GRM7: variants seen among roughly 807,000 people sequenced by gnomAD.
The protein encoded by GRM7 is glutamate metabotropic receptor 7.
Under a neutral mutation model 84.5 loss-of-function variants are expected in GRM7, and 35 were observed. The observed-to-expected ratio is 0.41, with a 90% CI of 0.32 to 0.55. The LOEUF is 0.55. Among genes scored for constraint, GRM7 ranks in the 20% least tolerant of loss-of-function variants. The probability of loss-of-function intolerance (pLI) is 0.19; values close to 1 mark genes in which losing one functional copy is unlikely to be tolerated. For missense variants in GRM7, 1,003 were observed against 1,194.6 expected (o/e 0.84, Z 2.36); for synonymous variants, 487 against 455.1 (o/e 1.07, Z -0.89).
chr3:7,220,307 A>G (rs1168222380), intron 2 of GRM7, among the ~76,000 whole-genome samples: 4 of 152,200 alleles, frequency 2.6e-5, no homozygotes, highest in Non-Finnish European at 5.9e-5. Flanking sequence ...GTTAATATCC[A>G]TATGATAAGT....
chr3:7,409,816 G>A (rs1302145228), intron 4 of GRM7, among the ~76,000 whole-genome samples: 1 of 152,016 alleles, frequency 6.6e-6, no homozygotes, highest in Non-Finnish European at 1.5e-5. Flanking sequence ...TGGCCAGGAT[G>A]GTCTCGATCT....
At chr3:7,448,730 A>G (rs1203097635) in intron 5 of GRM7, among the ~76,000 whole-genome samples, 2 of 152,144 alleles carry the variant, frequency 1.3e-5, no homozygotes, top group Admixed American at 6.6e-5. Context: ...AGCCTTTAAT[A>G]TGTTAACATA....
chr3:7,088,116 A>G (rs1698526912), intron 1 of GRM7, among the ~76,000 whole-genome samples: 1 of 151,992 alleles, frequency 6.6e-6, no homozygotes, highest in Non-Finnish European at 1.5e-5. Context: ...GTATTTAGCA[A>G]TGAACCTGCG....
At chr3:7,488,671 T>TC (rs990290863) in intron 7 of GRM7, among the ~76,000 whole-genome samples, 1 of 152,162 alleles carries the variant, frequency 6.6e-6, no homozygotes, top group Non-Finnish European at 1.5e-5. Flanking sequence ...GACTTCCCAC[T>TC]CCCCAGAATC....
chr3:7,545,519 C>T (rs1310835476), intron 7 of GRM7, among the ~76,000 whole-genome samples: 1 of 152,172 alleles, frequency 6.6e-6, no homozygotes, highest in Non-Finnish European at 1.5e-5. Context: ...AGAAAGCAAC[C>T]TTGCACAATG....
intron 1 of GRM7, among the ~76,000 whole-genome samples, chr3:6,864,592 A>G (rs754356831): frequency 5.3e-5 from 8 of 152,228 alleles, no homozygotes; most frequent in Admixed American, 2.6e-4. Context: ...AAATGATTGA[A>G]TTTCTAGCTT....
Position 7,360,135 on chromosome 3 carries a change from C to G in GRM7, c.1033+53483C>G, listed in dbSNP as rs1346955065. The stretch of plus-strand genomic sequence containing the variant: ...CTCTTTCTCCCCCCCTTTTTTTTCC[C>G]TCTGTGTGTGTGTGTGTGTGTGTGT... On this transcript the variant is annotated intron_variant, in intron 4 of 9. Coordinates refer to ENST00000357716, the MANE Select transcript of GRM7 (RefSeq NM_000844.4). Among the ~76,000 whole-genome samples, 6 of 102,950 alleles carry G rather than the reference C, an allele frequency of 5.8e-5. 1 individual carries two copies. Among genetic ancestry groups the G allele is most frequent in the African/African-American group, 2.7e-4 (6 of 22,372 alleles). 67.5% of individuals were successfully genotyped at this position (102,950 alleles called of 152,430 possible). A position where few individuals can be genotyped will look rare whatever the true frequency, so the allele number is the denominator to read the frequency against.
chr3:7,054,739 C>G (rs1184442206), intron 1 of GRM7, among the ~76,000 whole-genome samples: 1 of 151,808 alleles, frequency 6.6e-6, no homozygotes, highest in African/African-American at 2.4e-5. Context: ...CTCTTTCTGT[C>G]TGTCTCTCTC....
At chr3:7,162,305 G>A (rs1356037173) in intron 2 of GRM7, among the ~76,000 whole-genome samples, 1 of 152,118 alleles carries the variant, frequency 6.6e-6, no homozygotes, top group Non-Finnish European at 1.5e-5. Flanking sequence ...ACCAACAAGA[G>A]TTTTTCAAAC....
chr3:7,206,407 T>A (rs958462630), intron 2 of GRM7, among the ~76,000 whole-genome samples: 5 of 152,188 alleles, frequency 3.3e-5, no homozygotes, highest in Non-Finnish European at 5.9e-5. Flanking sequence ...ATTGCACAAC[T>A]AAATGATGTC....
intron 1 of GRM7, among the ~76,000 whole-genome samples, chr3:7,011,456 C>G (rs1002009667): frequency 2.0e-5 from 3 of 152,100 alleles, no homozygotes; most frequent in South Asian, 2.1e-4. Flanking sequence ...TTTAAATGAG[C>G]ATTTTATGCC....
At chr3:6,893,747 T>C (rs1696061498) in intron 1 of GRM7, among the ~76,000 whole-genome samples, 1 of 152,204 alleles carries the variant, frequency 6.6e-6, no homozygotes, top group South Asian at 2.1e-4. Context: ...ACATTTTACA[T>C]TTGGTTATTA....
chr3:7,704,928 T>C (rs1701338732), intron 9 of GRM7, among the ~76,000 whole-genome samples: 1 of 152,180 alleles, frequency 6.6e-6, no homozygotes, highest in Non-Finnish European at 1.5e-5. Context: ...ATATCATTAA[T>C]TGTTCGCTTA....
intron 2 of GRM7, among the ~76,000 whole-genome samples, chr3:7,148,599 G>A (rs1402055808): frequency 2.6e-5 from 4 of 152,132 alleles, no homozygotes; most frequent in Admixed American, 2.0e-4. Context: ...ACAGGTCAAT[G>A]GTGACTTTCA....
intron 5 of GRM7, among the ~76,000 whole-genome samples, chr3:7,418,512 A>G (rs976391447): frequency 6.6e-6 from 1 of 152,162 alleles, no homozygotes; most frequent in Non-Finnish European, 1.5e-5. Context: ...AGTTTACCAC[A>G]TACCATTTTC....
At chr3:7,036,336 T>G (rs1445490037) in intron 1 of GRM7, among the ~76,000 whole-genome samples, 2 of 152,198 alleles carry the variant, frequency 1.3e-5, no homozygotes, top group African/African-American at 2.4e-5. Context: ...ATTTAACTTA[T>G]GGGAGTGGGC....
At chr3:7,533,321 T>C (rs1701116964) in intron 7 of GRM7, among the ~76,000 whole-genome samples, 1 of 152,110 alleles carries the variant, frequency 6.6e-6, no homozygotes, top group Admixed American at 6.5e-5. Flanking sequence ...GCAATCAAAT[T>C]AGAACTCACG....
chr3:6,959,466 T>C (rs1419164753), intron 1 of GRM7, among the ~76,000 whole-genome samples: 2 of 152,088 alleles, frequency 1.3e-5, no homozygotes, highest in East Asian at 1.9e-4. Flanking sequence ...GGAAAATAAA[T>C]GAAGTTTTTC....
chr3:7,115,280 T>A (rs751691289), intron 1 of GRM7, among the ~76,000 whole-genome samples: 3 of 152,162 alleles, frequency 2.0e-5, no homozygotes, highest in Non-Finnish European at 2.9e-5. Context: ...TTAAAGTCAC[T>A]CTGCTTCTGT....
Sources: allele counts gnomAD v4.1 joint callset (sites outside exome capture counted in the v4.1 genomes callset), GRCh38; gene constraint gnomAD v4.1.1; transcripts MANE v1.5; gene names NCBI Gene and HGNC (gene_info 2026-07-23, HGNC 2026-07-21).